Variants in TBCK observed in about 807,000 individuals in gnomAD.
TBCK encodes the protein TBC domain-containing protein kinase-like protein.
In TBCK, 99 loss-of-function variants were observed where a neutral mutation model predicts 113.4. That is an observed-to-expected ratio of 0.87 (90% CI 0.74 to 1.03). TBCK has a LOEUF of 1.03. TBCK is among the 50% of genes least tolerant of loss of function. TBCK has a pLI of 0.00. For synonymous variants in TBCK, 369 were observed against 370.8 expected, an observed-to-expected ratio of 1.00 and a Z score of 0.05; for missense variants, 1,045 against 1,061.3, an observed-to-expected ratio of 0.98 and a Z score of 0.21.
chr4:106,073,950 C>T (rs539418141), intron 25 of TBCK, among the ~76,000 whole-genome samples: 3 of 152,290 alleles, frequency 2.0e-5, no homozygotes, highest in Admixed American at 1.3e-4. Flanking sequence ...CCTGGAGTGC[C>T]GTTTGCTAAG....
intron 5 of TBCK, among the ~76,000 whole-genome samples, 198 bp downstream of exon 5, chr4:106,260,239 G>A (rs1762376256): frequency 6.6e-6 from 1 of 151,850 alleles, no homozygotes; most frequent in Non-Finnish European, 1.5e-5. Context: ...TTCAATGAAT[G>A]ATGAACATCA....
intron 23 of TBCK, among the ~76,000 whole-genome samples, chr4:106,158,236 T>C (rs904336546): frequency 5.3e-5 from 8 of 152,060 alleles, no homozygotes; most frequent in Admixed American, 1.3e-4. Context: ...TGAGAATGGA[T>C]GCAGAGAGAC....
intron 19 of TBCK, among the ~76,000 whole-genome samples, chr4:106,223,799 C>T (rs1158203118): frequency 6.6e-6 from 1 of 152,146 alleles, no homozygotes; most frequent in Non-Finnish European, 1.5e-5. Flanking sequence ...CCTTTCTCCT[C>T]AATAGCCTAA....
rs1448257270 is a variant in TBCK at position 106,247,247 on chromosome 4, C to T, written c.823G>A (p.Glu275Lys). The T allele has an allele frequency of 6.2e-7, 1 of 1,612,480 alleles. No homozygotes were observed. Among genetic ancestry groups the T allele is most frequent in the South Asian group, 1.1e-5 (1 of 91,026 alleles). The part of the protein sequence containing the change: ...DQLMKDKVFS[E>K]VSPLYTPFTK... ...AAGGGGGTATATAAAGGTGATACCT[C>T]ACTGAATACTTTGTCCTTCATTAAT... The change falls in exon 10 of 26, where the codon GAG becomes AAG. Residue 275 changes from glutamate to lysine, a missense_variant. Physicochemically the swap from Glu to Lys is moderately conservative, Grantham distance 56. Transcript: ENST00000394708.
Position 106,247,219 on chromosome 4 carries a change from G to A in TBCK, c.851C>T (p.Thr284Ile). ...AGATGAAAACAGACTGGCAGGTTTG[G>A]TAAAGGGGGTATATAAAGGTGATAC... ...SEVSPLYTPF[T>I]KPASLFSSSL... The change falls in exon 10 of 26, where the codon ACC becomes ATC. Residue 284 changes from threonine to isoleucine, a missense_variant. By Grantham distance (89) the Thr-to-Ile change is moderately conservative (BLOSUM62 -1). Transcript: ENST00000394708. The A allele has an allele frequency of 6.2e-7, 1 of 1,613,204 alleles. No homozygotes were observed. The highest frequency in any genetic ancestry group is 8.5e-7 in the Non-Finnish European group (1 of 1,179,452).
intron 2 of TBCK, among the ~76,000 whole-genome samples, chr4:106,296,407 G>T (rs1157519358): frequency 6.6e-6 from 1 of 152,112 alleles, no homozygotes; most frequent in Non-Finnish European, 1.5e-5. Flanking sequence ...ACTGTAAAAT[G>T]AAGGTTTGGT....
intron 24 of TBCK, among the ~76,000 whole-genome samples, chr4:106,100,019 A>G (rs1026389002): frequency 1.1e-4 from 16 of 152,148 alleles, no homozygotes; most frequent in African/African-American, 3.6e-4. Flanking sequence ...TATGTTTTCT[A>G]TCTCCTGTAG....
intron 3 of TBCK, among the ~76,000 whole-genome samples, chr4:106,286,642 CATA>C (rs901389623): frequency 6.6e-6 from 1 of 152,010 alleles, no homozygotes; most frequent in Non-Finnish European, 1.5e-5. Flanking sequence ...GCCTAGGCAA[CATA>C]ATGAGACCCC....
At chr4:106,269,945 T>C (rs775274400) in intron 3 of TBCK, among the ~76,000 whole-genome samples, 3 of 152,192 alleles carry the variant, frequency 2.0e-5, no homozygotes, top group Non-Finnish European at 2.9e-5. Context: ...ACTGATTTGT[T>C]ATGCTTAGAC....
At chr4:106,162,578 C>T (rs1319336624) in intron 23 of TBCK, among the ~76,000 whole-genome samples, 3 of 152,128 alleles carry the variant, frequency 2.0e-5, no homozygotes, top group Admixed American at 2.0e-4. Context: ...CAGGCATTTC[C>T]ATACATCCTC....
chr4:106,264,770 T>C (rs2150109647), intron 3 of TBCK, among the ~76,000 whole-genome samples: 1 of 152,106 alleles, frequency 6.6e-6, no homozygotes, highest in Admixed American at 6.6e-5. Flanking sequence ...TCTCATACTA[T>C]TTTTAAATTT....
chr4:106,219,398 A>C (rs2149935873), intron 19 of TBCK, among the ~76,000 whole-genome samples: 1 of 150,752 alleles, frequency 6.6e-6, no homozygotes, highest in African/African-American at 2.4e-5. Context: ...ATAAAAAATA[A>C]ATAAAAATAA....
rs1208714584 is a variant in TBCK at position 106,296,048 on chromosome 4, G to A, written c.194-882C>T. On this transcript the variant is annotated intron_variant, in intron 2 of 25. Coordinates refer to ENST00000394708, the MANE Select transcript of TBCK (RefSeq NM_001163435.3). Reference sequence around the variant, plus strand: ...GATTAAATATTATAAAACAGTGGTAGACATGATCAACATTAATGATGTCAT... The same window carrying A: ...GATTAAATATTATAAAACAGTGGTAAACATGATCAACATTAATGATGTCAT... Among the ~76,000 whole-genome samples, 4 of 152,138 alleles carry A rather than the reference G, an allele frequency of 2.6e-5. No homozygotes were observed. The East Asian group carries it at 5.8e-4, about 22-fold the overall frequency.
chr4:106,290,111 G>T (rs1388977993), intron 3 of TBCK, among the ~76,000 whole-genome samples: 1 of 152,120 alleles, frequency 6.6e-6, no homozygotes, highest in African/African-American at 2.4e-5. Context: ...AGCTTTTAAA[G>T]AAAATTGCTT....
chr4:106,177,951 A>T (rs552951622), intron 22 of TBCK, among the ~76,000 whole-genome samples: 1 of 152,074 alleles, frequency 6.6e-6, no homozygotes, highest in South Asian at 2.1e-4. Flanking sequence ...AATTCTTCTA[A>T]TCTATAAGCA....
At chr4:106,087,442 A>C (rs1739640092) in intron 25 of TBCK, among the ~76,000 whole-genome samples, 2 of 152,354 alleles carry the variant, frequency 1.3e-5, no homozygotes, top group South Asian at 4.1e-4. Context: ...GGACACAAAC[A>C]AATGAAAAAA....
At chr4:106,179,825 C>T (rs1752123571) in intron 22 of TBCK, among the ~76,000 whole-genome samples, 1 of 151,978 alleles carries the variant, frequency 6.6e-6, no homozygotes, top group Non-Finnish European at 1.5e-5. Flanking sequence ...CTGTGTATTG[C>T]TAGAAGTGGG....
intron 3 of TBCK, among the ~76,000 whole-genome samples, chr4:106,278,558 CAAAAAAAAAAAA>C (rs376599844): frequency 2.7e-4 from 6 of 22,154 alleles, no homozygotes; most frequent in South Asian, 2.8e-3. Flanking sequence ...AACTCTGTCT[CAAAAAAAAAAAA>C]AAAAAAAAAA....
chr4:106,165,991 C>T (rs1054499415), intron 23 of TBCK, among the ~76,000 whole-genome samples: 6 of 151,676 alleles, frequency 4.0e-5, no homozygotes, highest in Non-Finnish European at 8.9e-5. Flanking sequence ...ACCTTCCATT[C>T]TACTAGTAAT....
Sources: gnomAD v4.1 joint callset for allele counts (sites outside exome capture counted in the v4.1 genomes callset) on GRCh38, gnomAD v4.1.1 for gene constraint, MANE v1.5 for transcripts, NCBI Gene and HGNC (gene_info 2026-07-23, HGNC 2026-07-21) for gene names.